RTN3: variants seen among roughly 807,000 people sequenced by gnomAD.
The protein encoded by RTN3 is reticulon-3.
A neutral mutation model predicts 77.8 loss-of-function variants in RTN3; 49 were observed. That is an observed-to-expected ratio of 0.63 (90% CI 0.50 to 0.80). The LOEUF is 0.80. Among genes scored for constraint, RTN3 ranks in the 30% least tolerant of loss-of-function variants. RTN3 has a pLI of 0.00. For synonymous variants in RTN3, 464 were observed against 446.9 expected, an observed-to-expected ratio of 1.04 and a Z score of -0.48; for missense variants, 1,236 against 1,211.9, an observed-to-expected ratio of 1.02 and a Z score of -0.29.
At chr11:63,681,899 C>A in intron 1 of RTN3, 121 bp downstream of exon 1, 1 of 1,081,938 alleles carries the variant, frequency 9.2e-7, no homozygotes, top group Non-Finnish European at 1.3e-6. Context: ...CGGCTTCAGC[C>A]CCCCGGGGAC....
At chr11:63,709,605 A>AT (rs1942653081) in intron 2 of RTN3, among the ~76,000 whole-genome samples, 1 of 151,632 alleles carries the variant, frequency 6.6e-6, no homozygotes, top group Admixed American at 6.6e-5. Flanking sequence ...AAAGAAAAAC[A>AT]TTTTTCTTTG....
chr11:63,682,735 C>T (rs1351041722), intron 1 of RTN3, among the ~76,000 whole-genome samples: 1 of 152,174 alleles, frequency 6.6e-6, no homozygotes, highest in East Asian at 1.9e-4. Context: ...AACGAAGCTG[C>T]AGACCTCCTT....
intron 1 of RTN3, 117 bp downstream of exon 1, chr11:63,681,895 C>A: frequency 8.8e-7 from 1 of 1,135,434 alleles, no homozygotes; most frequent in Non-Finnish European, 1.2e-6. Context: ...CTGACGGCTT[C>A]AGCCCCCCGG....
At position 63,750,142 on chromosome 11, in the gene RTN3, G is replaced by A. The variant is rs201492174; in HGVS notation, c.2682G>A (p.Arg894=). The A allele has an allele frequency of 6.2e-7, 1 of 1,612,914 alleles. No individual in the cohort carries two copies. The highest frequency in any genetic ancestry group is 2.2e-5 in the East Asian group (1 of 44,880). Residue 894 remains arginine, a synonymous_variant, in exon 4 of 9, where the codon AGG becomes AGA. Coordinates refer to ENST00000377819, the MANE Select transcript of RTN3 (RefSeq NM_001265589.2). The part of the protein sequence containing the change: ...LALLSVTISF[R]IYKSVIQAVQ... Reference sequence around the variant, plus strand: ...TTCTCTCTGTCACCATCAGCTTCAGGATCTACAAGTCCGTCATCCAAGCTG... The same window carrying A: ...TTCTCTCTGTCACCATCAGCTTCAGAATCTACAAGTCCGTCATCCAAGCTG...
intron 1 of RTN3, among the ~76,000 whole-genome samples, chr11:63,685,689 T>TA (rs575893436): frequency 1.5e-4 from 22 of 150,676 alleles, no homozygotes; most frequent in East Asian, 1.2e-3. Context: ...CTTAATTGTT[T>TA]AAAAAAAAAA....
intron 5 of RTN3, among the ~76,000 whole-genome samples, chr11:63,752,856 G>T (rs920834543): frequency 2.0e-5 from 3 of 152,198 alleles, no homozygotes; most frequent in Admixed American, 2.0e-4. Flanking sequence ...ATTGGAAGCA[G>T]TGCAGTTTCA....
chr11:63,681,516 T>C lies in RTN3; in HGVS notation c.-121T>C. 9.3e-7 allele frequency: 1 copy of C among 1,071,128 alleles called. No individual in the cohort carries two copies. The highest frequency in any genetic ancestry group is 1.3e-6 in the Non-Finnish European group (1 of 770,764). The allele number at this position is 1,071,128 out of a possible 1,614,324, so 66.4% of individuals were successfully genotyped here. On this transcript the variant is annotated 5_prime_UTR_variant, in exon 1 of 9. Coordinates refer to ENST00000377819, the MANE Select transcript of RTN3 (RefSeq NM_001265589.2). ...GAGTCAGTCAGTCTGTCGGAGTCTG[T>C]CCTCGGAGCAGGCGGAGTAAAGGGA...
chr11:63,740,746 C>T (rs1294476918), intron 3 of RTN3, among the ~76,000 whole-genome samples: 1 of 151,948 alleles, frequency 6.6e-6, no homozygotes, highest in Admixed American at 6.6e-5. Context: ...ATCTTACTGG[C>T]AACAAAGAGG....
Position 63,719,538 on chromosome 11 carries a change from C to T in RTN3, c.1036C>T (p.Pro346Ser), listed in dbSNP as rs1259769802. Residue 346 changes from proline to serine, a missense_variant, in exon 3 of 9, where the codon CCC becomes TCC. Physicochemically the swap from Pro to Ser is moderately conservative, Grantham distance 74. Around this residue, in one of 3 missense-constraint regions of RTN3, gnomAD observed 1,056 missense variants for 990.4 expected, o/e 1.07. Transcript: ENST00000377819. ...TNEILTWDLV[P>S]QVKQQTDKSS... ...CGAAATACTGACTTGGGATCTGGTT[C>T]CCCAAGTGAAACAACAGACCGATAA... is the stretch of plus-strand genomic sequence containing the variant. 42 of 1,613,980 alleles carry T rather than the reference C, an allele frequency of 2.6e-5. No homozygotes were observed. Among genetic ancestry groups the T allele is most frequent in the Middle Eastern group, 1.6e-4 (1 of 6,084 alleles).
chr11:63,714,886 T>C (rs1249269039), intron 2 of RTN3, among the ~76,000 whole-genome samples: 3 of 152,212 alleles, frequency 2.0e-5, no homozygotes, highest in Admixed American at 1.3e-4. Flanking sequence ...ATTCTGAGAA[T>C]AGGACTTCTA....
intron 4 of RTN3, 152 bp from the exon 5 acceptor site, chr11:63,752,355 G>A (rs567602628): frequency 3.0e-6 from 2 of 659,946 alleles, no homozygotes; most frequent in South Asian, 1.9e-5. Context: ...CTAAATGACA[G>A]TGTGTCTCCA....
chr11:63,727,551 C>T lies in RTN3; in HGVS notation c.2530+6519C>T, dbSNP rs1268774706. On this transcript the variant is annotated intron_variant, in intron 3 of 8. Transcript: ENST00000377819. ...ATTAAAATTCAGCAGGTGACCTTAA[C>T]AGCAAAATGGAGATGACAGGGGAAG... is the stretch of plus-strand genomic sequence containing the variant. 3.9e-5 allele frequency among the ~76,000 whole-genome samples: 6 copies of T among 152,260 alleles called. No homozygotes were observed. The East Asian group carries it at 9.6e-4, about 24-fold the overall frequency.
rs559802058 is a variant in RTN3 at position 63,749,513 on chromosome 11, TTGC to T, written c.2531-477_2531-475del. On this transcript the variant is annotated intron_variant, in intron 3 of 8. Coordinates refer to ENST00000377819, the MANE Select transcript of RTN3 (RefSeq NM_001265589.2). ...CACCTAACTAATTTATAGGCCTGGT[TTGC>T]ATAATTTAGTTAACAGCAAGATTTT... Among the ~76,000 whole-genome samples, 30 of 152,318 alleles carry T rather than the reference TTGC, an allele frequency of 2.0e-4. No individual in the cohort carries two copies. The East Asian group carries it at 3.7e-3, about 19-fold the overall frequency.
chr11:63,739,865 G>C (rs1022900083), intron 3 of RTN3, among the ~76,000 whole-genome samples: 5 of 151,644 alleles, frequency 3.3e-5, no homozygotes, highest in Admixed American at 2.0e-4. Context: ...GAGTGTAGAT[G>C]ATGAGGGAGA....
chr11:63,717,423 G>T (rs1290933298), intron 2 of RTN3, among the ~76,000 whole-genome samples: 1 of 86,544 alleles, frequency 1.2e-5, no homozygotes, highest in Non-Finnish European at 2.1e-5. Context: ...CACTCTTGTT[G>T]CCCAGGCTGG....
chr11:63,724,222 G>T (rs1390792262), intron 3 of RTN3, among the ~76,000 whole-genome samples: 2 of 118,072 alleles, frequency 1.7e-5, no homozygotes, highest in African/African-American at 6.7e-5. Flanking sequence ...TCGCTCTGTC[G>T]CCCAGGCTGG....
In RTN3 at chr11:63,681,653, C is replaced by A. The variant is rs11551944; in HGVS notation, c.17C>A (p.Ala6Glu). The change falls in exon 1 of 9, where the codon GCG becomes GAG. Residue 6 changes from alanine to glutamate, a missense_variant. Ala to Glu is a moderately radical substitution (Grantham distance 107). This residue lies in a region of RTN3 where 1,056 missense variants were observed against 990.4 expected (regional missense o/e 1.07). Transcript: ENST00000377819. Reference protein sequence around the residue: MAEPSAATQSHSISSS... With the variant: MAEPSEATQSHSISSS... ...CGCGTAGCCATGGCGGAGCCGTCGG[C>A]GGCCACTCAGTCCCATTCCATCTCC... 0.13 allele frequency: 211,854 copies of A among 1,593,368 alleles called. 15,396 individuals carry two copies. Among genetic ancestry groups the A allele is most frequent in the South Asian group, 0.16 (14,776 of 89,882 alleles).
At chr11:63,682,744 T>C (rs116060876) in intron 1 of RTN3, among the ~76,000 whole-genome samples, 286 of 152,282 alleles carry the variant, frequency 1.9e-3, no homozygotes, top group African/African-American at 6.3e-3. Flanking sequence ...GCAGACCTCC[T>C]TTAGTTTGCA....
chr11:63,692,446 G>A (rs1020691442), intron 1 of RTN3, among the ~76,000 whole-genome samples: 3 of 151,768 alleles, frequency 2.0e-5, no homozygotes, highest in African/African-American at 7.3e-5. Flanking sequence ...CCTGCAACCC[G>A]GCCAAATCAT....
Sources: allele counts gnomAD v4.1 joint callset (sites outside exome capture counted in the v4.1 genomes callset), GRCh38; gene constraint gnomAD v4.1.1; regional missense constraint gnomAD v4.1.1; transcripts MANE v1.5; gene names NCBI Gene and HGNC (gene_info 2026-07-23, HGNC 2026-07-21).